The following DAB1 variants were observed in gnomAD, a reference collection of about 807,000 sequenced individuals.
The protein encoded by DAB1 is disabled homolog 1.
A neutral mutation model predicts 64.6 loss-of-function variants in DAB1; 15 were observed. The ratio of observed to expected loss-of-function variants is 0.23; its 90% CI spans 0.16 to 0.36. The LOEUF (loss-of-function observed/expected upper bound fraction) is 0.36, where lower values mean the gene tolerates loss of function less well. Among genes scored for constraint, DAB1 ranks in the 10% least tolerant of loss-of-function variants. DAB1 has a pLI of 1.00. For synonymous variants in DAB1, 235 were observed against 251.9 expected (o/e 0.93, Z 0.64); for missense variants, 596 against 706.7 (o/e 0.84, Z 1.78).
At chr1:57,271,080 T>C (rs1185908552) in intron 2 of DAB1, among the ~76,000 whole-genome samples, 2 of 152,180 alleles carry the variant, frequency 1.3e-5, no homozygotes, top group Non-Finnish European at 2.9e-5. Flanking sequence ...CCAGAAAGGT[T>C]AAACCTGACA....
At chr1:57,581,010 G>A (rs972594801) in intron 7 of DAB1, among the ~76,000 whole-genome samples, 23 of 152,322 alleles carry the variant, frequency 1.5e-4, no homozygotes, top group African/African-American at 5.5e-4. Flanking sequence ...TAGATGCTAA[G>A]CCAAAGCAAG....
chr1:57,564,399 A>G (rs1011476497), intron 7 of DAB1, among the ~76,000 whole-genome samples: 3 of 152,218 alleles, frequency 2.0e-5, no homozygotes, highest in Non-Finnish European at 4.4e-5. Context: ...CCAAAGGAAC[A>G]CAGCCCCTCG....
chr1:57,357,619 C>T lies in DAB1; in HGVS notation c.-137+66311G>A, dbSNP rs185158289. On this transcript the variant is annotated intron_variant, in intron 1 of 14. Coordinates refer to ENST00000371236, the MANE Select transcript of DAB1 (RefSeq NM_001365792.1). ...AGCATGTGAATTTGTCATGCTGCTA[C>T]GAAGAAATACCTGAGAGTGGGTAAT... Among the ~76,000 whole-genome samples, 536 of 148,728 alleles carry T rather than the reference C, an allele frequency of 3.6e-3. 3 individuals carry two copies. The highest frequency in any genetic ancestry group is 4.8e-3 in the Non-Finnish European group (321 of 67,510).
chr1:57,386,366 GAAA>G (rs5774342), intron 1 of DAB1, among the ~76,000 whole-genome samples: 13 of 113,446 alleles, frequency 1.1e-4, no homozygotes, highest in South Asian at 3.7e-4. Flanking sequence ...GGCCCCTTGG[GAAA>G]AAAAAAAAAA....
At chr1:57,648,399 C>A (rs1000385056) in intron 7 of DAB1, among the ~76,000 whole-genome samples, 2 of 152,090 alleles carry the variant, frequency 1.3e-5, no homozygotes, top group Non-Finnish European at 2.9e-5. Context: ...AAGCCACCAA[C>A]GAAATGCAAA....
chr1:57,840,457 T>C (rs974761204), intron 1 of DAB1, among the ~76,000 whole-genome samples: 5 of 151,986 alleles, frequency 3.3e-5, no homozygotes, highest in African/African-American at 1.2e-4. Flanking sequence ...ATGTTGAAAA[T>C]ATAATAAGTC....
chr1:58,057,211 T>TTA (rs1648177184), intron 5 of DAB1, among the ~76,000 whole-genome samples: 1 of 151,870 alleles, frequency 6.6e-6, no homozygotes, highest in East Asian at 1.9e-4. Context: ...TTATTTTTTT[T>TTA]AATTATGAAT....
intron 5 of DAB1, among the ~76,000 whole-genome samples, chr1:58,140,657 C>T (rs1003649707): frequency 6.6e-6 from 1 of 152,042 alleles, no homozygotes; most frequent in African/African-American, 2.4e-5. Context: ...TCTATGAGTC[C>T]ATGAAAGTAG....
chr1:57,963,250 A>G (rs1039763271), intron 5 of DAB1, among the ~76,000 whole-genome samples: 2 of 152,234 alleles, frequency 1.3e-5, no homozygotes, highest in African/African-American at 4.8e-5. Context: ...ACTTTAGACC[A>G]TGACTAATGC....
At chr1:58,470,916 C>A (rs182916673) in intron 3 of DAB1, among the ~76,000 whole-genome samples, 143 of 152,226 alleles carry the variant, frequency 9.4e-4, no homozygotes, top group Non-Finnish European at 1.5e-3. Context: ...GACTTGGATC[C>A]AGGCAGAATC....
chr1:57,095,757 G>A (rs1654104526), intron 4 of DAB1, among the ~76,000 whole-genome samples: 1 of 152,142 alleles, frequency 6.6e-6, no homozygotes, highest in South Asian at 2.1e-4. Flanking sequence ...AACGTGGGAA[G>A]TAAGGTGGAA....
chr1:57,058,702 T>C (rs1650082073), intron 9 of DAB1, among the ~76,000 whole-genome samples: 1 of 152,190 alleles, frequency 6.6e-6, no homozygotes, highest in South Asian at 2.1e-4. Flanking sequence ...CACATCACCA[T>C]TACATAGCTG....
intron 5 of DAB1, among the ~76,000 whole-genome samples, chr1:58,000,530 C>T (rs1307043728): frequency 6.6e-6 from 1 of 150,708 alleles, no homozygotes; most frequent in African/African-American, 2.4e-5. Flanking sequence ...GTCTCTTTTC[C>T]CCCTCAATTA....
intron 1 of DAB1, among the ~76,000 whole-genome samples, chr1:57,360,162 C>T (rs1478556102): frequency 1.3e-5 from 2 of 151,904 alleles, no homozygotes. Flanking sequence ...AATGTGTATA[C>T]ACTTCATAAC....
intron 4 of DAB1, among the ~76,000 whole-genome samples, chr1:58,268,364 G>A (rs139612258): frequency 0.015 from 2,277 of 152,110 alleles, 61 homozygotes; most frequent in African/African-American, 0.052. Context: ...TTAAATTATA[G>A]GTCATATATA....
chr1:58,340,357 C>G (rs1643913216), intron 4 of DAB1, among the ~76,000 whole-genome samples: 1 of 152,168 alleles, frequency 6.6e-6, no homozygotes. Context: ...TTGTCACCCT[C>G]ATGAGCCGGG....
At chr1:58,518,824 A>C (rs1350813768) in intron 2 of DAB1, among the ~76,000 whole-genome samples, 1 of 152,230 alleles carries the variant, frequency 6.6e-6, no homozygotes, top group Non-Finnish European at 1.5e-5. Flanking sequence ...AGTCCTTTTA[A>C]GATAAATGAT....
At chr1:58,387,719 T>TTC (rs1557746590) in intron 3 of DAB1, among the ~76,000 whole-genome samples, 5 of 86,748 alleles carry the variant, frequency 5.8e-5, no homozygotes, top group African/African-American at 2.4e-4. Flanking sequence ...TTTCTTTTCT[T>TTC]TTCTTTTTTT....
intron 5 of DAB1, among the ~76,000 whole-genome samples, chr1:58,144,959 GA>G (rs755409333): frequency 7.2e-5 from 11 of 152,292 alleles, no homozygotes; most frequent in South Asian, 2.1e-4. Flanking sequence ...ACAGAAAAGA[GA>G]AAGAAGAATA....
Sources: gnomAD v4.1 joint callset for allele counts (sites outside exome capture counted in the v4.1 genomes callset) on GRCh38, gnomAD v4.1.1 for gene constraint, MANE v1.5 for transcripts, NCBI Gene and HGNC (gene_info 2026-07-23, HGNC 2026-07-21) for gene names.